Variants in XKR5 observed in about 807,000 individuals in gnomAD.
The protein encoded by XKR5 is XK-related protein 5.
Under a neutral mutation model 40.8 loss-of-function variants are expected in XKR5, and 46 were observed. That is an observed-to-expected ratio of 1.13 (90% CI 0.89 to 1.44). The LOEUF (loss-of-function observed/expected upper bound fraction) is 1.44, where lower values mean the gene tolerates loss of function less well. Ranked by LOEUF, XKR5 falls within the 40% of genes most tolerant of loss-of-function variation. The probability of loss-of-function intolerance (pLI) is 0.00; values close to 1 mark genes in which losing one functional copy is unlikely to be tolerated. For missense variants in XKR5, 1,169 were observed against 844.7 expected (o/e 1.38, Z -4.76); for synonymous variants, 466 against 356.1 (o/e 1.31, Z -3.48).
Position 6,811,654 on chromosome 8 carries a change from T to G in XKR5, c.1605A>C (p.Glu535Asp). 6.5e-7 allele frequency: 1 copy of G among 1,537,662 alleles called. No individual in the cohort carries two copies. Among genetic ancestry groups the G allele is most frequent in the Non-Finnish European group, 8.7e-7 (1 of 1,147,006 alleles). The change falls in exon 7 of 7, where the codon GAA becomes GAC. Residue 535 changes from glutamate to aspartate, a missense_variant. Coordinates refer to ENST00000618742, the MANE Select transcript of XKR5 (RefSeq NM_207411.5). ...KGTGGQQRGGEGQQSSTLYFS... is the reference protein window; with the variant it reads ...KGTGGQQRGGDGQQSSTLYFS... ...AGTACAACGTGGAACTCTGCTGTCC[T>G]TCCCCTCCTCTCTGCTGCCCACCTG... is the stretch of plus-strand genomic sequence containing the variant.
At chr8:6,834,780 A>C (rs924231599) in intron 1 of XKR5, among the ~76,000 whole-genome samples, 2 of 146,362 alleles carry the variant, frequency 1.4e-5, no homozygotes, top group Admixed American at 6.7e-5. Context: ...TTCAAACCAG[A>C]AGGGCGCGAA....
At chr8:6,816,972 G>C (rs1349902054) in intron 5 of XKR5, among the ~76,000 whole-genome samples, 2 of 152,110 alleles carry the variant, frequency 1.3e-5, no homozygotes, top group African/African-American at 4.8e-5. Context: ...CAATGGGCAG[G>C]GTTTCTGCCC....
In XKR5 at chr8:6,811,469, T is replaced by C. The variant is rs1040450233; in HGVS notation, c.1790A>G (p.Asp597Gly). Residue 597 changes from aspartate to glycine, a missense_variant, in exon 7 of 7, where the codon GAC becomes GGC. Transcript: ENST00000618742. ...GCCTGTGCCTAGGATGGGGCTAATGTCGGCCATGGTGTCGGGGAAGGGCGC... is the reference window on the plus strand; with the variant it reads ...GCCTGTGCCTAGGATGGGGCTAATGCCGGCCATGGTGTCGGGGAAGGGCGC... ...GLAPFPDTMA[D>G]ISPILGTGPC... 4 of 1,531,050 alleles carry C rather than the reference T, an allele frequency of 2.6e-6. No individual in the cohort carries two copies. The Admixed American group carries it at 5.9e-5, about 23-fold the overall frequency. The allele number at this position is 1,531,050 out of a possible 1,614,324, so 94.8% of individuals were successfully genotyped here. A position where few individuals can be genotyped will look rare whatever the true frequency, so the allele number is the denominator to read the frequency against.
rs73661487 is a variant in XKR5 at position 6,829,331 on chromosome 8, G to T, written c.242+3386C>A. 1,055 of 169,326 alleles carry T rather than the reference G, an allele frequency of 6.2e-3. 13 individuals carry two copies. Among genetic ancestry groups the T allele is most frequent in the African/African-American group, 0.023 (974 of 41,620 alleles). The allele number at this position is 169,326 out of a possible 1,614,324, so 10.5% of individuals were successfully genotyped here. Reference sequence around the variant, plus strand: ...GCTTAAAAAGAAAGATGAAAAAGATGTTGGTAACATACAGTATTAAAGTGT... The same window carrying T: ...GCTTAAAAAGAAAGATGAAAAAGATTTTGGTAACATACAGTATTAAAGTGT... On this transcript the variant is annotated intron_variant, in intron 2 of 6. Transcript: ENST00000618742.
At chr8:6,832,063 AGGC>A (rs1804795218) in intron 2 of XKR5, among the ~76,000 whole-genome samples, 1 of 150,662 alleles carries the variant, frequency 6.6e-6, no homozygotes, top group South Asian at 2.1e-4. Flanking sequence ...TGGAATTATG[AGGC>A]AGCAGCTGCC....
In XKR5 at chr8:6,811,633, C is replaced by A. The variant is rs912698040; in HGVS notation, c.1626G>T (p.Leu542Phe). The change falls in exon 7 of 7, where the codon TTG (leucine) becomes TTT (phenylalanine). Residue 542 changes from leucine (L) to phenylalanine (F), a missense_variant. Coordinates refer to ENST00000618742, the MANE Select transcript of XKR5 (RefSeq NM_207411.5). ...RGGEGQQSST[L>F]YFSATAEVAT... ...CCACTTCTGCAGTGGCGCTGAAGTA[C>A]AACGTGGAACTCTGCTGTCCTTCCC... 33 of 1,537,332 alleles carry A rather than the reference C, an allele frequency of 2.1e-5. No individual in the cohort carries two copies. The Admixed American group carries it at 2.4e-4, about 11-fold the overall frequency.
intron 5 of XKR5, among the ~76,000 whole-genome samples, chr8:6,818,893 T>C (rs1804089791): frequency 6.6e-6 from 1 of 152,050 alleles, no homozygotes; most frequent in Non-Finnish European, 1.5e-5. Context: ...AGTATAAAAA[T>C]TAACCAGGTA....
Position 6,821,890 on chromosome 8 carries a change from A to T in XKR5, c.786T>A (p.Asn262Lys), listed in dbSNP as rs76351821. 1.9e-6 allele frequency: 3 copies of T among 1,613,350 alleles called. No individual in the cohort carries two copies. The East Asian group carries it at 6.7e-5, about 36-fold the overall frequency. The change falls in exon 5 of 7, where the codon AAT (asparagine) becomes AAA (lysine). Residue 262 changes from asparagine to lysine, a missense_variant. Physicochemically the swap from Asn to Lys is moderately conservative, Grantham distance 94. Coordinates refer to ENST00000618742, the MANE Select transcript of XKR5 (RefSeq NM_207411.5). ...TTGCCATGTAGAACGTGACCATCCTATTTCTAGAAGGGCTGTCCCAGAAGC... is the reference window on the plus strand; with the variant it reads ...TTGCCATGTAGAACGTGACCATCCTTTTTCTAGAAGGGCTGTCCCAGAAGC... ...YLSFWDSPSR[N>K]RMVTFYMVML...
Position 6,832,832 on chromosome 8 carries a change from G to C in XKR5, c.127C>G (p.Leu43Val), listed in dbSNP as rs374578377. 34 of 1,611,706 alleles carry C rather than the reference G, an allele frequency of 2.1e-5. No individual in the cohort carries two copies. Among genetic ancestry groups the C allele is most frequent in the Non-Finnish European group, 2.5e-5 (29 of 1,179,120 alleles). The part of the protein sequence containing the change: ...LLWGWLALAV[L>V]LPGFLVQALS... ...GCCTGGACCAAGAACCCGGGCAGGA[G>C]GACAGCAAGGGCCAGCCACCCCCAC... Residue 43 changes from leucine to valine, a missense_variant, in exon 2 of 7, where the codon CTC becomes GTC. Physicochemically the swap from Leu to Val is conservative, Grantham distance 32. Coordinates refer to ENST00000618742, the MANE Select transcript of XKR5 (RefSeq NM_207411.5).
chr8:6,826,550 C>G (rs937177029), intron 2 of XKR5, among the ~76,000 whole-genome samples: 1 of 152,076 alleles, frequency 6.6e-6, no homozygotes, highest in Non-Finnish European at 1.5e-5. Flanking sequence ...GGTTTCAGGC[C>G]TAAATGACTT....
chr8:6,818,044 G>A (rs1462188645), intron 5 of XKR5, among the ~76,000 whole-genome samples: 1 of 152,084 alleles, frequency 6.6e-6, no homozygotes, highest in East Asian at 1.9e-4. Context: ...TTTAAGCCCT[G>A]TCACCTCTGC....
chr8:6,829,247 T>C (rs1287882271), intron 2 of XKR5: 3 of 169,306 alleles, frequency 1.8e-5, no homozygotes, highest in Non-Finnish European at 4.4e-5. Flanking sequence ...AGGTGCATGC[T>C]AAGGATGAGA....
chr8:6,835,428 G>T lies in XKR5; in HGVS notation c.58+8C>A. On this transcript the variant is annotated splice_region_variant and intron_variant, in intron 1 of 6. Coordinates refer to ENST00000618742, the MANE Select transcript of XKR5 (RefSeq NM_207411.5). ...GGGGTGAGCACAGCCTCGGGCTGCC[G>T]CACTCACGCGCGCTCTGCTCGGCCG... The T allele has an allele frequency of 4.7e-6, 7 of 1,477,948 alleles. No individual in the cohort carries two copies. Among genetic ancestry groups the T allele is most frequent in the Non-Finnish European group, 6.2e-6 (7 of 1,121,056 alleles). The allele number at this position is 1,477,948 out of a possible 1,614,324, so 91.6% of individuals were successfully genotyped here. A position where few individuals can be genotyped will look rare whatever the true frequency, so the allele number is the denominator to read the frequency against.
At chr8:6,814,162 C>A (rs986513984) in intron 6 of XKR5, among the ~76,000 whole-genome samples, 1 of 152,182 alleles carries the variant, frequency 6.6e-6, no homozygotes, top group Non-Finnish European at 1.5e-5. Flanking sequence ...CCTCAGTTTC[C>A]CATAGGCCAT....
At chr8:6,824,072 A>G (rs900036824) in intron 3 of XKR5, among the ~76,000 whole-genome samples, 2 of 152,178 alleles carry the variant, frequency 1.3e-5, no homozygotes, top group African/African-American at 4.8e-5. Flanking sequence ...CTCTGTATAT[A>G]ACAAAGCTGA....
chr8:6,817,920 A>T (rs79892638), intron 5 of XKR5, among the ~76,000 whole-genome samples: 1 of 152,158 alleles, frequency 6.6e-6, no homozygotes, highest in Non-Finnish European at 1.5e-5. Flanking sequence ...ATGAACAAAC[A>T]CAGATGGCAC....
chr8:6,834,903 C>A (rs1349707202), intron 1 of XKR5, among the ~76,000 whole-genome samples: 1 of 152,324 alleles, frequency 6.6e-6, no homozygotes, highest in South Asian at 2.1e-4. Flanking sequence ...GCGGAGTCGC[C>A]GTCCTACAGG....
chr8:6,817,671 A>G (rs188476489), intron 5 of XKR5, among the ~76,000 whole-genome samples: 1 of 152,190 alleles, frequency 6.6e-6, no homozygotes, highest in East Asian at 1.9e-4. Flanking sequence ...GGTGGATAGG[A>G]CCCTGGACTT....
At chr8:6,814,369 C>T (rs189778218) in intron 6 of XKR5, among the ~76,000 whole-genome samples, 57 of 152,236 alleles carry the variant, frequency 3.7e-4, no homozygotes, top group Admixed American at 1.9e-3. Context: ...TGAACAAGAC[C>T]GATCCCCAGG....
Sources: gnomAD v4.1 joint callset for allele counts (sites outside exome capture counted in the v4.1 genomes callset) on GRCh38, gnomAD v4.1.1 for gene constraint, MANE v1.5 for transcripts, NCBI Gene and HGNC (gene_info 2026-07-23, HGNC 2026-07-21) for gene names.